PFAS: variants seen among roughly 807,000 people sequenced by gnomAD.
The protein encoded by PFAS is FGAM synthase.
Under a neutral mutation model 140.6 loss-of-function variants are expected in PFAS, and 97 were observed. The observed-to-expected ratio is 0.69, with a 90% CI of 0.59 to 0.82. PFAS has a LOEUF of 0.82. PFAS is among the 40% of genes least tolerant of loss of function. PFAS has a pLI of 0.00. For synonymous variants in PFAS, 679 were observed against 718.8 expected, an observed-to-expected ratio of 0.94 and a Z score of 0.88; for missense variants, 1,656 against 1,780.2, an observed-to-expected ratio of 0.93 and a Z score of 1.26.
chr17:8,265,333 G>A lies in PFAS; in HGVS notation c.2326G>A (p.Gly776Arg), dbSNP rs765034305. The A allele has an allele frequency of 6.2e-7, 1 of 1,614,170 alleles. No homozygotes were observed. The highest frequency in any genetic ancestry group is 1.1e-5 in the South Asian group (1 of 91,086). The change falls in exon 19 of 28, where the codon GGG (glycine) becomes AGG (arginine). Residue 776 changes from glycine to arginine, a missense_variant. By Grantham distance (125) the Gly-to-Arg change is moderately radical. Coordinates refer to ENST00000314666, the MANE Select transcript of PFAS (RefSeq NM_012393.3). The part of the protein sequence containing the change: ...GNWMWAAKLP[G>R]EGAALADACE... ...CTGGATGTGGGCAGCCAAGCTCCCAGGGGAGGGCGCAGCTTTGGCGGATGC... is the reference window on the plus strand; with the variant it reads ...CTGGATGTGGGCAGCCAAGCTCCCAAGGGAGGGCGCAGCTTTGGCGGATGC...
intron 11 of PFAS, chr17:8,262,620 C>A: frequency 3.2e-6 from 1 of 310,172 alleles, no homozygotes; most frequent in Non-Finnish European, 6.2e-6. Flanking sequence ...ATGGTGAAAC[C>A]CTGTCTCTAC....
At chr17:8,252,677 C>T (rs954514476) in intron 1 of PFAS, among the ~76,000 whole-genome samples, 4 of 152,166 alleles carry the variant, frequency 2.6e-5, no homozygotes, top group African/African-American at 9.7e-5. Context: ...AGTGCAGCGG[C>T]TTGATCACTG....
At position 8,269,068 on chromosome 17, in the gene PFAS, C is replaced by G. The variant is rs909092299; in HGVS notation, c.3821C>G (p.Pro1274Arg). 1.9e-6 allele frequency: 3 copies of G among 1,614,146 alleles called. No homozygotes were observed. The highest frequency in any genetic ancestry group is 1.7e-6 in the Non-Finnish European group (2 of 1,179,964). The change falls in exon 28 of 28, where the codon CCC (proline) becomes CGC (arginine). Residue 1274 changes from proline (P) to arginine (R), a missense_variant. Pro to Arg is a moderately radical substitution (Grantham distance 103, BLOSUM62 -2). Transcript: ENST00000314666. The stretch of plus-strand genomic sequence containing the variant: ...CCCACAGAGCAGTACCCTCTGAATC[C>G]CAATGGGTCCCCAGGGGGCGTGGCT... ...GNPTEQYPLN[P>R]NGSPGGVAGI...
intron 1 of PFAS, among the ~76,000 whole-genome samples, chr17:8,251,070 G>A (rs1217814955): frequency 6.6e-6 from 1 of 151,832 alleles, no homozygotes. Context: ...GGTGGATCAC[G>A]AGTTCAAGAG....
chr17:8,267,544 T>G lies in PFAS; in HGVS notation c.3268-7T>G, dbSNP rs773881905. 1 of 1,597,696 alleles carries G rather than the reference T, an allele frequency of 6.3e-7. No homozygotes were observed. The highest frequency in any genetic ancestry group is 8.6e-7 in the Non-Finnish European group (1 of 1,165,062). On this transcript the variant is annotated splice_polypyrimidine_tract_variant and splice_region_variant and intron_variant, in intron 25 of 27. Transcript: ENST00000314666. This position sits in a 1 kb window ranked among gnomAD's most constrained non-coding sequence, Gnocchi z 4.9. ...CCCACCCACACTCCCCCTCCCCACC[T>G]TCGCAGGTATGGGACGTGACCATGC... is the stretch of plus-strand genomic sequence containing the variant.
At chr17:8,257,780 A>G (rs1262630448) in intron 9 of PFAS, 27 bp from the exon 10 acceptor site, 2 of 1,613,008 alleles carry the variant, frequency 1.2e-6, no homozygotes, top group South Asian at 2.2e-5. Flanking sequence ...CATTCAGTTC[A>G]TCCAGTTCTC....
intron 11 of PFAS, among the ~76,000 whole-genome samples, chr17:8,258,859 C>T (rs915435530): frequency 1.3e-5 from 2 of 151,868 alleles, no homozygotes; most frequent in Non-Finnish European, 2.9e-5. Flanking sequence ...TGGTGGCGGG[C>T]ACCTGTAGTC....
Position 8,263,573 on chromosome 17 carries a change from A to G in PFAS, c.1568-2A>G, listed in dbSNP as rs759652983. 2.5e-6 allele frequency: 4 copies of G among 1,613,652 alleles called. No individual in the cohort carries two copies. The highest frequency in any genetic ancestry group is 3.4e-6 in the Non-Finnish European group (4 of 1,179,686). On this transcript the variant is annotated splice_acceptor_variant, in intron 13 of 27. Transcript: ENST00000314666. LOFTEE classifies it high-confidence loss of function. ...TGCTTCTCCTTGCAACCCTCTCACC[A>G]GGCAATGTCCTAAAAGAGCTGAGTG...
upstream of PFAS, chr17:8,248,057 C>T (rs750422481): frequency 9.2e-7 from 1 of 1,083,764 alleles, no homozygotes; most frequent in African/African-American, 1.7e-5. Context: ...AGCTCCGCCC[C>T]CGGGAGGGGC....
At chr17:8,259,125 CAAAAAAAA>C (rs34642794) in intron 11 of PFAS, among the ~76,000 whole-genome samples, 1 of 118,684 alleles carries the variant, frequency 8.4e-6, no homozygotes, top group Non-Finnish European at 1.7e-5. Flanking sequence ...GCACCACTGT[CAAAAAAAA>C]AAAAAAAGAC....
chr17:8,269,281 AC>A lies in PFAS; in HGVS notation c.*19del. On this transcript the variant is annotated 3_prime_UTR_variant, in exon 28 of 28. Transcript: ENST00000314666. ...AGCTGCTGACTGGCCACAGGGGCTC[AC>A]CTGGGCCCCATGGCTTTTCACCTAA... 6.3e-7 allele frequency: 1 copy of A among 1,577,982 alleles called. No individual in the cohort carries two copies. Among genetic ancestry groups the A allele is most frequent in the Admixed American group, 1.8e-5 (1 of 56,966 alleles).
chr17:8,263,216 C>G lies in PFAS; in HGVS notation c.1518C>G (p.Pro506=), dbSNP rs776574239. The G allele has an allele frequency of 1.9e-6, 3 of 1,614,100 alleles. No homozygotes were observed. The highest frequency in any genetic ancestry group is 2.5e-6 in the Non-Finnish European group (3 of 1,179,996). Residue 506 remains proline (P), a synonymous_variant, in exon 13 of 28, where the codon CCC becomes CCG. Transcript: ENST00000314666. ...TGATCAGGGCTTGTGTGGAGGCCCC[C>G]AAGGGAAACCCCATCTGCAGCCTTC... is the stretch of plus-strand genomic sequence containing the variant. The part of the protein sequence containing the change: ...NRVIRACVEA[P]KGNPICSLHD...
In PFAS at chr17:8,266,552, C is replaced by T; in HGVS notation, c.2821+199C>T. On this transcript the variant is annotated intron_variant, in intron 22 of 27. Coordinates refer to ENST00000314666, the MANE Select transcript of PFAS (RefSeq NM_012393.3). This position sits in a 1 kb window ranked among gnomAD's most constrained non-coding sequence, Gnocchi z 5.0. ...CCACCATGTTCCTGACTGCACCCCT[C>T]TGAGACTTCCCATCCCTGAGATGTC... is the stretch of plus-strand genomic sequence containing the variant. 1 of 1,449,946 alleles carries T rather than the reference C, an allele frequency of 6.9e-7. No individual in the cohort carries two copies. The highest frequency in any genetic ancestry group is 1.5e-5 in the South Asian group (1 of 68,778). 89.8% of individuals were successfully genotyped at this position (1,449,946 alleles called of 1,614,324 possible).
In PFAS at chr17:8,249,312, G is replaced by C. The variant is rs1251683236; in HGVS notation, c.-107G>C. On this transcript the variant is annotated 5_prime_UTR_variant, in exon 1 of 28. Coordinates refer to ENST00000314666, the MANE Select transcript of PFAS (RefSeq NM_012393.3). ...ACAAACGCGCGCGACGATTCGAGGT[G>C]CTCTGTGGCCGCGAGTGCATCTTCC... The C allele has an allele frequency of 6.6e-6, 1 of 152,198 alleles. No homozygotes were observed. The highest frequency in any genetic ancestry group is 1.5e-5 in the Non-Finnish European group (1 of 68,038). The allele number at this position is 152,198 out of a possible 1,614,324, so 9.4% of individuals were successfully genotyped here. A position where few individuals can be genotyped will look rare whatever the true frequency, so the allele number is the denominator to read the frequency against.
At chr17:8,262,812 G>C in intron 11 of PFAS, 108 bp from the exon 12 acceptor site, 1 of 841,228 alleles carries the variant, frequency 1.2e-6, no homozygotes. Flanking sequence ...AAAAAAGCTG[G>C]TCAGGCTTCT....
Position 8,265,239 on chromosome 17 carries a change from C to A in PFAS, c.2281-49C>A, listed in dbSNP as rs377721002. ...CTCCCAGTCCGCCTGCACCCCTGGC[C>A]TCTCCACATTTCTCTTCCCCTCTAA... is the stretch of plus-strand genomic sequence containing the variant. On this transcript the variant is annotated intron_variant, in intron 18 of 27. Transcript: ENST00000314666. 5.4e-4 allele frequency: 864 copies of A among 1,592,110 alleles called. 5 individuals are homozygous for A. The highest frequency in any genetic ancestry group is 6.7e-4 in the Middle Eastern group (4 of 5,982).
chr17:8,247,860 G>C, upstream of PFAS: 1 of 747,946 alleles, frequency 1.3e-6, no homozygotes, highest in South Asian at 1.6e-5. Context: ...GTAAGAGGTA[G>C]GAGCGGACCG....
chr17:8,256,354 C>T lies in PFAS; in HGVS notation c.768C>T (p.Ser256=), dbSNP rs1989364829. ...LVHSLFESIM[S]TQESSNPNNV... ...ACTCACTGTTTGAGTCCATCATGAG[C>T]ACCCAGGAATCCTCGAACCCCAACA... Residue 256 remains serine, a synonymous_variant, in exon 7 of 28, where the codon AGC becomes AGT. Transcript: ENST00000314666. 1 of 1,613,952 alleles carries T rather than the reference C, an allele frequency of 6.2e-7. No individual in the cohort carries two copies. Among genetic ancestry groups the T allele is most frequent in the African/African-American group, 1.3e-5 (1 of 74,922 alleles).
rs1173617441 is a variant in PFAS at position 8,269,031 on chromosome 17, G to C, written c.3784G>C (p.Asp1262His). ...RGLAPLHWAD[D>H]DGNPTEQYPL... ...CTTGGCTCCACTGCACTGGGCTGAT[G>C]ATGACGGGAACCCCACAGAGCAGTA... The change falls in exon 28 of 28, where the codon GAT becomes CAT. Residue 1262 changes from aspartate (D) to histidine (H), a missense_variant. By Grantham distance (81) the Asp-to-His change is moderately conservative. Transcript: ENST00000314666. 6.2e-7 allele frequency: 1 copy of C among 1,614,192 alleles called. No individual in the cohort carries two copies. Among genetic ancestry groups the C allele is most frequent in the Non-Finnish European group, 8.5e-7 (1 of 1,180,000 alleles).
Sources: allele counts gnomAD v4.1 joint callset (sites outside exome capture counted in the v4.1 genomes callset), GRCh38; gene constraint gnomAD v4.1.1; non-coding constraint Gnocchi (gnomAD v3.1); transcripts MANE v1.5; gene names NCBI Gene and HGNC (gene_info 2026-07-23, HGNC 2026-07-21).